YTHDF3: variants seen among roughly 807,000 people sequenced by gnomAD.
The protein encoded by YTHDF3 is YTH domain-containing family protein 3.
YTHDF3 carries 9 observed loss-of-function variants against 52.5 expected under a neutral mutation model. The observed-to-expected ratio is 0.17, with a 90% CI of 0.10 to 0.30. The LOEUF is 0.30. Among genes scored for constraint, YTHDF3 ranks in the 10% least tolerant of loss-of-function variants. The pLI, the probability that YTHDF3 is intolerant of heterozygous loss-of-function variation, is 1.00. For missense variants in YTHDF3, 534 were observed against 715.0 expected (o/e 0.75, Z 2.89); for synonymous variants, 274 against 243.3 (o/e 1.13, Z -1.18).
intron 4 of YTHDF3, among the ~76,000 whole-genome samples, chr8:63,189,884 C>G (rs1224108101): frequency 6.6e-6 from 1 of 152,076 alleles, no homozygotes; most frequent in African/African-American, 2.4e-5. Context: ...TCTGCTGAAC[C>G]TTTTAGATGG....
In YTHDF3 at chr8:63,173,207, T is replaced by A. The variant is rs562413246; in HGVS notation, c.50-2124T>A. Among the ~76,000 whole-genome samples, 76 of 144,810 alleles carry A rather than the reference T, an allele frequency of 5.2e-4. 2 individuals are homozygous for A. The highest frequency in any genetic ancestry group is 7.1e-3 in the Middle Eastern group (2 of 282). On this transcript the variant is annotated intron_variant, in intron 2 of 4. Coordinates refer to ENST00000539294, the MANE Select transcript of YTHDF3 (RefSeq NM_152758.6). ...TAAGAATAACAGGATTATATTTATA[T>A]ATATATACAGATAAATTTTAAGTAA... is the stretch of plus-strand genomic sequence containing the variant.
At chr8:63,207,189 C>T (rs1810088555) in intron 4 of YTHDF3, among the ~76,000 whole-genome samples, 1 of 152,074 alleles carries the variant, frequency 6.6e-6, no homozygotes, top group African/African-American at 2.4e-5. Context: ...ATGTTGTGAC[C>T]ATTGTGTCTC....
intron 4 of YTHDF3, among the ~76,000 whole-genome samples, chr8:63,201,995 A>T (rs1024021866): frequency 2.6e-5 from 4 of 152,166 alleles, no homozygotes; most frequent in African/African-American, 9.7e-5. Flanking sequence ...TAGATCCTGC[A>T]TGTTCTTTTC....
Position 63,211,583 on chromosome 8 carries a change from G to C in YTHDF3, c.*1877G>C, listed in dbSNP as rs1369847162. The C allele has an allele frequency of 6.6e-6, 1 of 152,510 alleles. No individual in the cohort carries two copies. Among genetic ancestry groups the C allele is most frequent in the Non-Finnish European group, 1.5e-5 (1 of 67,982 alleles). 9.4% of individuals were successfully genotyped at this position (152,510 alleles called of 1,614,324 possible). On this transcript the variant is annotated 3_prime_UTR_variant, in exon 5 of 5. Transcript: ENST00000539294. ...GGGTGACCTTGTAGGAAGGATCTGA[G>C]TCCTCCCCCTGAGGTTCTCTTTTTC... is the stretch of plus-strand genomic sequence containing the variant.
intron 4 of YTHDF3, among the ~76,000 whole-genome samples, chr8:63,201,267 T>C (rs968069799): frequency 5.3e-5 from 8 of 152,214 alleles, no homozygotes; most frequent in African/African-American, 1.4e-4. Context: ...CTCATGCCTG[T>C]GATCCCAGGA....
At chr8:63,190,889 C>T (rs907304743) in intron 4 of YTHDF3, among the ~76,000 whole-genome samples, 1 of 152,152 alleles carries the variant, frequency 6.6e-6, no homozygotes, top group Non-Finnish European at 1.5e-5. Flanking sequence ...GTTGCTGCCA[C>T]CCTTTTTAAT....
chr8:63,186,749 C>G lies in YTHDF3; in HGVS notation c.738C>G (p.Ala246=), dbSNP rs1808533057. 2.5e-6 allele frequency: 4 copies of G among 1,613,862 alleles called. No homozygotes were observed. The highest frequency in any genetic ancestry group is 1.7e-5 in the Admixed American group (1 of 59,994). The change falls in exon 4 of 5, where the codon GCC becomes GCG. Residue 246 remains alanine, a synonymous_variant. Coordinates refer to ENST00000539294, the MANE Select transcript of YTHDF3 (RefSeq NM_152758.6). The part of the protein sequence containing the change: ...TSWAAIARKP[A]KPQPKLKPKG... ...GGGCTGCCATTGCCAGAAAGCCTGCCAAACCTCAACCGAAACTTAAACCCA... is the reference window on the plus strand; with the variant it reads ...GGGCTGCCATTGCCAGAAAGCCTGCGAAACCTCAACCGAAACTTAAACCCA...
Position 63,183,837 on chromosome 8 carries a change from A to C in YTHDF3, c.136-2310A>C, listed in dbSNP as rs144720776. On this transcript the variant is annotated intron_variant, in intron 3 of 4. Transcript: ENST00000539294. The stretch of plus-strand genomic sequence containing the variant: ...AGTCGTCTCAAGGTATCTGTGGGAG[A>C]TTGATTCCAGAACCCCCAACGGATA... 1.8e-3 allele frequency among the ~76,000 whole-genome samples: 267 copies of C among 152,288 alleles called. 2 individuals carry two copies. Among genetic ancestry groups the C allele is most frequent in the African/African-American group, 6.1e-3 (255 of 41,546 alleles).
chr8:63,179,037 CT>C (rs1807892125), intron 3 of YTHDF3, among the ~76,000 whole-genome samples: 1 of 152,058 alleles, frequency 6.6e-6, no homozygotes, highest in East Asian at 1.9e-4. Flanking sequence ...TTTAACAAGT[CT>C]TTTGCTAATG....
intron 3 of YTHDF3, among the ~76,000 whole-genome samples, chr8:63,176,896 C>T (rs1368180158): frequency 2.6e-5 from 4 of 151,862 alleles, no homozygotes; most frequent in African/African-American, 7.3e-5. Flanking sequence ...CCAGGCTGGT[C>T]TTGAACTCCT....
chr8:63,178,462 A>AT (rs1234365626), intron 3 of YTHDF3, among the ~76,000 whole-genome samples: 1 of 152,146 alleles, frequency 6.6e-6, no homozygotes, highest in Non-Finnish European at 1.5e-5. Context: ...ACCCAAATGA[A>AT]TTTTTTCAGC....
At chr8:63,177,120 T>C (rs1228983159) in intron 3 of YTHDF3, among the ~76,000 whole-genome samples, 3 of 152,216 alleles carry the variant, frequency 2.0e-5, no homozygotes, top group African/African-American at 7.2e-5. Flanking sequence ...TCTAAAATTT[T>C]AACCTAGATT....
intron 3 of YTHDF3, 87 bp from the exon 4 acceptor site, chr8:63,186,060 A>G (rs1808476719): frequency 2.2e-6 from 3 of 1,340,124 alleles, no homozygotes; most frequent in Non-Finnish European, 3.0e-6. Flanking sequence ...CATTTACTTA[A>G]AACTTCTTGA....
intron 4 of YTHDF3, among the ~76,000 whole-genome samples, chr8:63,203,841 C>A (rs545051766): frequency 1.3e-5 from 2 of 152,326 alleles, no homozygotes; most frequent in South Asian, 4.1e-4. Context: ...GATACTTTCT[C>A]ATGATTAGAC....
rs779232262 is a variant in YTHDF3 at position 63,212,434 on chromosome 8, AAT to A, written c.*2730_*2731del. On this transcript the variant is annotated 3_prime_UTR_variant, in exon 5 of 5. Coordinates refer to ENST00000539294, the MANE Select transcript of YTHDF3 (RefSeq NM_152758.6). ...TTAAGCTGATGTTAAAACAGTTTGC[AAT>A]AAAAAAAAATGAATCAGCTTAAGTC... The A allele has an allele frequency of 1.0e-4, 15 of 145,186 alleles. No homozygotes were observed. The highest frequency in any genetic ancestry group is 1.6e-4 in the African/African-American group (6 of 37,460). 9.0% of individuals were successfully genotyped at this position (145,186 alleles called of 1,614,324 possible). A position where few individuals can be genotyped will look rare whatever the true frequency, so the allele number is the denominator to read the frequency against.
intron 3 of YTHDF3, among the ~76,000 whole-genome samples, chr8:63,178,375 TAAAA>T (rs895923824): frequency 1.4e-5 from 2 of 147,610 alleles, no homozygotes; most frequent in South Asian, 4.3e-4. Flanking sequence ...ACTTTACTTG[TAAAA>T]AAAAAAATAG....
intron 4 of YTHDF3, among the ~76,000 whole-genome samples, chr8:63,203,522 G>T (rs1809782167): frequency 6.6e-6 from 1 of 152,106 alleles, no homozygotes; most frequent in African/African-American, 2.4e-5. Flanking sequence ...AGAGATTACA[G>T]GGAATTTCTG....
chr8:63,205,874 A>G (rs759414527), intron 4 of YTHDF3, among the ~76,000 whole-genome samples: 13 of 152,170 alleles, frequency 8.5e-5, no homozygotes, highest in Non-Finnish European at 1.6e-4. Flanking sequence ...TTTTGGTCTT[A>G]AAGCAGAGGT....
At chr8:63,198,501 A>T (rs987239701) in intron 4 of YTHDF3, among the ~76,000 whole-genome samples, 1 of 152,178 alleles carries the variant, frequency 6.6e-6, no homozygotes, top group South Asian at 2.1e-4. Context: ...TCCTGACCTC[A>T]GGTCATCTGC....
Sources: gnomAD v4.1 joint callset for allele counts (sites outside exome capture counted in the v4.1 genomes callset) on GRCh38, gnomAD v4.1.1 for gene constraint, MANE v1.5 for transcripts, NCBI Gene and HGNC (gene_info 2026-07-23, HGNC 2026-07-21) for gene names.